CPNE4: variants seen among roughly 807,000 people sequenced by gnomAD.
CPNE4 encodes the protein copine-4.
Under a neutral mutation model 67.9 loss-of-function variants are expected in CPNE4, and 25 were observed. The ratio of observed to expected loss-of-function variants is 0.37; its 90% CI spans 0.27 to 0.51. The LOEUF (loss-of-function observed/expected upper bound fraction) is 0.51, where lower values mean the gene tolerates loss of function less well. CPNE4 is among the 20% of genes least tolerant of loss of function. The pLI is 0.93. For missense variants in CPNE4, 464 were observed against 690.8 expected, an observed-to-expected ratio of 0.67 and a Z score of 3.68; for synonymous variants, 242 against 244.9, an observed-to-expected ratio of 0.99 and a Z score of 0.11.
At position 131,540,356 on chromosome 3, in the gene CPNE4, T is replaced by C. The variant is rs1935411764; in HGVS notation, c.1539+2201A>G. 3.9e-5 allele frequency among the ~76,000 whole-genome samples: 6 copies of C among 152,358 alleles called. No individual in the cohort carries two copies. In the South Asian group the frequency reaches 1.2e-3, roughly 32 times the overall value. ...TGTGCAGTTACTTCCCTATGAAGTC[T>C]GGGCAGGTCATGAAATACAGAGTTC... is the stretch of plus-strand genomic sequence containing the variant. On this transcript the variant is annotated intron_variant, in intron 15 of 15. Transcript: ENST00000429747.
intron 6 of CPNE4, among the ~76,000 whole-genome samples, chr3:131,672,637 T>G (rs1299867334): frequency 6.6e-6 from 1 of 152,182 alleles, no homozygotes; most frequent in African/African-American, 2.4e-5. Flanking sequence ...TGTCTTCTTT[T>G]GAGAAATGTT....
intron 1 of CPNE4, among the ~76,000 whole-genome samples, chr3:131,929,619 C>T (rs1352214661): frequency 1.3e-5 from 2 of 152,116 alleles, no homozygotes; most frequent in African/African-American, 4.8e-5. Context: ...CAAGGATCTG[C>T]CCCTTCAGCA....
At chr3:132,005,328 T>TAC (rs2073563182) in intron 1 of CPNE4, among the ~76,000 whole-genome samples, 1 of 21,876 alleles carries the variant, frequency 4.6e-5, no homozygotes, top group Non-Finnish European at 1.4e-4. Context: ...TATATATATA[T>TAC]ATATATATAT....
intron 1 of CPNE4, among the ~76,000 whole-genome samples, chr3:131,931,388 A>G (rs2071056369): frequency 1.3e-5 from 2 of 152,202 alleles, no homozygotes; most frequent in Admixed American, 1.3e-4. Flanking sequence ...CACCAGCAAC[A>G]TTCTTTTTCA....
chr3:131,988,798 T>G (rs2073112651), intron 1 of CPNE4, among the ~76,000 whole-genome samples: 1 of 152,218 alleles, frequency 6.6e-6, no homozygotes, highest in Non-Finnish European at 1.5e-5. Flanking sequence ...AATTAAAAAA[T>G]GTTTGACAAT....
At chr3:132,032,873 G>A (rs2074265691) in intron 1 of CPNE4, among the ~76,000 whole-genome samples, 2 of 152,242 alleles carry the variant, frequency 1.3e-5, no homozygotes, top group South Asian at 4.1e-4. Context: ...AACTTGAAGG[G>A]CATCAAATTA....
chr3:131,906,168 C>T (rs925907856), intron 1 of CPNE4, among the ~76,000 whole-genome samples: 4 of 151,644 alleles, frequency 2.6e-5, no homozygotes, highest in African/African-American at 9.7e-5. Context: ...GGCCCCCTGC[C>T]CATTTCCATG....
chr3:131,726,431 C>G (rs1214461173), intron 2 of CPNE4, among the ~76,000 whole-genome samples: 1 of 152,038 alleles, frequency 6.6e-6, no homozygotes, highest in African/African-American at 2.4e-5. Context: ...CAAGGATAAT[C>G]AGAAAGCCAC....
chr3:132,025,597 G>A (rs1285076423), intron 1 of CPNE4, among the ~76,000 whole-genome samples: 1 of 152,168 alleles, frequency 6.6e-6, no homozygotes, highest in African/African-American at 2.4e-5. Context: ...CTGCAACACA[G>A]CAAACCATTA....
At chr3:131,761,189 C>A (rs2082880068) in intron 2 of CPNE4, among the ~76,000 whole-genome samples, 2 of 145,786 alleles carry the variant, frequency 1.4e-5, no homozygotes, top group Non-Finnish European at 3.0e-5. Context: ...TAAGAAAAGG[C>A]TTCTTCCACC....
At chr3:131,976,144 A>T (rs1390779503) in intron 1 of CPNE4, among the ~76,000 whole-genome samples, 1 of 150,614 alleles carries the variant, frequency 6.6e-6, no homozygotes, top group Non-Finnish European at 1.5e-5. Context: ...CCTCCTGTAA[A>T]ACATTCTACC....
chr3:131,952,220 G>T (rs867946517), intron 1 of CPNE4, among the ~76,000 whole-genome samples: 5 of 150,038 alleles, frequency 3.3e-5, no homozygotes, highest in African/African-American at 1.2e-4. Flanking sequence ...CCGCCGCCCC[G>T]TCTGGGATGT....
chr3:131,686,137 C>T (rs1229350332), intron 5 of CPNE4, among the ~76,000 whole-genome samples, 179 bp from the exon 6 acceptor site: 3 of 152,178 alleles, frequency 2.0e-5, no homozygotes, highest in Non-Finnish European at 4.4e-5. Flanking sequence ...TTCTCTTTAC[C>T]TGTGATCATG....
intron 2 of CPNE4, among the ~76,000 whole-genome samples, chr3:131,780,453 T>C (rs991484365): frequency 6.6e-5 from 10 of 152,008 alleles, no homozygotes; most frequent in South Asian, 2.1e-4. Flanking sequence ...GTGGACTGGG[T>C]AAAGAAAATA....
chr3:131,936,236 C>A (rs988190174), intron 1 of CPNE4, among the ~76,000 whole-genome samples: 1 of 151,834 alleles, frequency 6.6e-6, no homozygotes, highest in African/African-American at 2.4e-5. Context: ...TCAGAGCAAG[C>A]AGAAGCTGTC....
chr3:131,660,452 G>T (rs1295428928), intron 7 of CPNE4, among the ~76,000 whole-genome samples: 1 of 152,162 alleles, frequency 6.6e-6, no homozygotes, highest in Non-Finnish European at 1.5e-5. Flanking sequence ...ACCAGAATGG[G>T]AGGACTGAAA....
intron 2 of CPNE4, among the ~76,000 whole-genome samples, chr3:131,801,014 T>C (rs182874162): frequency 2.6e-5 from 4 of 152,136 alleles, no homozygotes; most frequent in East Asian, 1.9e-4. Context: ...AAGGTAGAGA[T>C]GAGAAAAAGG....
At chr3:131,915,764 T>C (rs1280421181) in intron 1 of CPNE4, among the ~76,000 whole-genome samples, 1 of 152,188 alleles carries the variant, frequency 6.6e-6, no homozygotes, top group Non-Finnish European at 1.5e-5. Context: ...AGAAATCTCA[T>C]TTCCTGAAAA....
At chr3:131,677,609 T>C (rs545909521) in intron 6 of CPNE4, among the ~76,000 whole-genome samples, 1 of 152,326 alleles carries the variant, frequency 6.6e-6, no homozygotes, top group South Asian at 2.1e-4. Flanking sequence ...AATTTTTCTT[T>C]ATGGTGTAAA....
Sources: gnomAD v4.1 joint callset for allele counts (sites outside exome capture counted in the v4.1 genomes callset) on GRCh38, gnomAD v4.1.1 for gene constraint, MANE v1.5 for transcripts, NCBI Gene and HGNC (gene_info 2026-07-23, HGNC 2026-07-21) for gene names.